SVOPL: variants seen among roughly 807,000 people sequenced by gnomAD.
SVOPL encodes SVOP like.
Under a neutral mutation model 61.0 loss-of-function variants are expected in SVOPL, and 60 were observed. The ratio of observed to expected loss-of-function variants is 0.98; its 90% CI spans 0.80 to 1.22. SVOPL has a LOEUF of 1.22. Among genes scored for constraint, SVOPL ranks in the 50% most tolerant of loss-of-function variants. SVOPL has a pLI of 0.00. For missense variants in SVOPL, 662 were observed against 643.9 expected (o/e 1.03, Z -0.30); for synonymous variants, 279 against 250.0 (o/e 1.12, Z -1.09).
chr7:138,631,981 C>CACACACACACACACACACACACACAT (rs1172950500), intron 9 of SVOPL, among the ~76,000 whole-genome samples: 3 of 151,832 alleles, frequency 2.0e-5, no homozygotes, highest in African/African-American at 7.3e-5. Context: ...CACACACACA[C>CACACACACACACACACACACACACAT]ACATACACAC....
At chr7:138,669,684 A>G (rs1470079327) in intron 4 of SVOPL, among the ~76,000 whole-genome samples, 1 of 152,154 alleles carries the variant, frequency 6.6e-6, no homozygotes, top group Admixed American at 6.5e-5. Flanking sequence ...CTTATGACTT[A>G]TTGCCCATCT....
At chr7:138,664,436 G>T (rs1336474151) in intron 4 of SVOPL, among the ~76,000 whole-genome samples, 1 of 130,674 alleles carries the variant, frequency 7.7e-6, no homozygotes, top group Non-Finnish European at 1.6e-5. Context: ...CTGGCACCCC[G>T]TATCCTCCAG....
At chr7:138,602,332 GCTAT>G (rs1423645958) in intron 14 of SVOPL, among the ~76,000 whole-genome samples, 2 of 151,994 alleles carry the variant, frequency 1.3e-5, no homozygotes, top group South Asian at 2.1e-4. Flanking sequence ...CAAGGTGATG[GCTAT>G]CTAATTATGG....
chr7:138,603,278 G>T (rs1475343675), intron 14 of SVOPL, among the ~76,000 whole-genome samples: 1 of 152,202 alleles, frequency 6.6e-6, no homozygotes, highest in East Asian at 1.9e-4. Context: ...GTGATTTGAT[G>T]GTGACATTCT....
intron 4 of SVOPL, among the ~76,000 whole-genome samples, chr7:138,665,345 T>C (rs547568378): frequency 6.6e-6 from 1 of 151,492 alleles, no homozygotes; most frequent in African/African-American, 2.4e-5. Flanking sequence ...CTCATTAGCC[T>C]GGCCCTTCCG....
In SVOPL at chr7:138,594,520, C is replaced by G; in HGVS notation, c.*90G>C. ...ACTTTACTAATTACCGAGTAGCATA[C>G]AGAAGTAAAACCAAGTTTTAAAAAA... On this transcript the variant is annotated 3_prime_UTR_variant, in exon 16 of 16. Coordinates refer to ENST00000674285, the MANE Select transcript of SVOPL (RefSeq NM_001139456.2). 1 of 1,269,826 alleles carries G rather than the reference C, an allele frequency of 7.9e-7. No individual in the cohort carries two copies. Among genetic ancestry groups the G allele is most frequent in the Non-Finnish European group, 1.1e-6 (1 of 903,774 alleles). The allele number at this position is 1,269,826 out of a possible 1,614,324, so 78.7% of individuals were successfully genotyped here.
At chr7:138,642,848 AAAG>A (rs1244456903) in intron 9 of SVOPL, among the ~76,000 whole-genome samples, 7,991 of 34,868 alleles carry the variant, frequency 0.23, 291 homozygotes, top group South Asian at 0.41. Flanking sequence ...AAAAAAAAAA[AAAG>A]AAGAAACAAA....
At position 138,680,723 on chromosome 7, in the gene SVOPL, C is replaced by T. The variant is rs927420934; in HGVS notation, c.-34-1644G>A. ...CCTCCTGAGTAGCTGGGACTACAGG[C>T]GCCCGCCACCACGCCCGGCTAATTT... On this transcript the variant is annotated intron_variant, in intron 1 of 15. Transcript: ENST00000674285. Among the ~76,000 whole-genome samples, 15 of 152,162 alleles carry T rather than the reference C, an allele frequency of 9.9e-5. No homozygotes were observed. The South Asian group carries it at 1.7e-3, about 17-fold the overall frequency.
chr7:138,672,187 C>T (rs1457531600), intron 3 of SVOPL, 70 bp from the exon 4 acceptor site: 3 of 1,402,608 alleles, frequency 2.1e-6, no homozygotes, highest in Non-Finnish European at 3.0e-6. Context: ...TATCTGCCTG[C>T]CCATCATCCT....
intron 15 of SVOPL, 144 bp from the exon 16 acceptor site, chr7:138,594,765 A>T: frequency 1.8e-6 from 1 of 545,594 alleles, no homozygotes; most frequent in Non-Finnish European, 3.1e-6. Flanking sequence ...ACCTTTGTGT[A>T]TCTGAAGATA....
At chr7:138,677,991 C>T (rs1802610641) in intron 3 of SVOPL, among the ~76,000 whole-genome samples, 1 of 152,068 alleles carries the variant, frequency 6.6e-6, no homozygotes, top group Non-Finnish European at 1.5e-5. Flanking sequence ...GTCTCAAACT[C>T]CTGACCTCAG....
chr7:138,663,636 A>G (rs1351645932), intron 4 of SVOPL: 1 of 977,300 alleles, frequency 1.0e-6, no homozygotes, highest in African/African-American at 1.8e-5. Context: ...TCTTTTCCTT[A>G]CTCGTTCTCA....
chr7:138,609,716 T>C (rs1798910284), intron 14 of SVOPL, among the ~76,000 whole-genome samples: 1 of 147,194 alleles, frequency 6.8e-6, no homozygotes, highest in African/African-American at 2.5e-5. Flanking sequence ...ACTGTTTTTT[T>C]TTTGGGGGGG....
At position 138,627,008 on chromosome 7, in the gene SVOPL, T is replaced by A. The variant is rs111355070; in HGVS notation, c.1181+342A>T. Among the ~76,000 whole-genome samples the A allele has an allele frequency of 4.4e-3, 665 of 152,282 alleles. 7 individuals carry two copies. The highest frequency in any genetic ancestry group is 0.015 in the African/African-American group (623 of 41,558). ...GGCACAAATAAGCACACTGTCTGTATTACTAAACTTTCTTGGCACTGGTTC... is the reference window on the plus strand; with the variant it reads ...GGCACAAATAAGCACACTGTCTGTAATACTAAACTTTCTTGGCACTGGTTC... On this transcript the variant is annotated intron_variant, in intron 12 of 15. Transcript: ENST00000674285.
intron 9 of SVOPL, among the ~76,000 whole-genome samples, chr7:138,634,291 G>T (rs1207861592): frequency 1.3e-5 from 2 of 152,120 alleles, no homozygotes; most frequent in Non-Finnish European, 2.9e-5. Context: ...AGGACTGCTT[G>T]AGGCCAGGAT....
intron 1 of SVOPL, among the ~76,000 whole-genome samples, chr7:138,683,952 T>C (rs2117129427): frequency 6.6e-6 from 1 of 151,542 alleles, no homozygotes; most frequent in South Asian, 2.1e-4. Context: ...CTCGGGAGGC[T>C]GAAGCAGGAG....
chr7:138,613,464 TG>T (rs1349835653), intron 14 of SVOPL, among the ~76,000 whole-genome samples: 1 of 152,190 alleles, frequency 6.6e-6, no homozygotes, highest in Non-Finnish European at 1.5e-5. Flanking sequence ...TCTCTCCATT[TG>T]GCTCACCATG....
In SVOPL at chr7:138,630,045, T is replaced by A. The variant is rs750260234; in HGVS notation, c.863+4A>T. On this transcript the variant is annotated splice_donor_region_variant and intron_variant, in intron 10 of 15. Coordinates refer to ENST00000674285, the MANE Select transcript of SVOPL (RefSeq NM_001139456.2). ...AACTAGCTTTGAAATCATTACACTC[T>A]TACCATATGACCCAGATCTGTAATG... The A allele has an allele frequency of 6.2e-7, 1 of 1,611,968 alleles. No homozygotes were observed. Among genetic ancestry groups the A allele is most frequent in the Non-Finnish European group, 8.5e-7 (1 of 1,178,136 alleles).
rs1764789493 is a variant in SVOPL, at chr7:138,655,907, GTT to G, written c.534+539_534+540del. On this transcript the variant is annotated intron_variant, in intron 7 of 15. Transcript: ENST00000674285. ...ACTTAGTTGATAAGGCAGTGGCACA[GTT>G]TGGGAGAATTGACTGCAATTTTGAA... 3.3e-5 allele frequency among the ~76,000 whole-genome samples: 5 copies of G among 152,330 alleles called. No individual in the cohort carries two copies. The East Asian group carries it at 9.6e-4, about 29-fold the overall frequency.
Sources: allele counts gnomAD v4.1 joint callset (sites outside exome capture counted in the v4.1 genomes callset), GRCh38; gene constraint gnomAD v4.1.1; transcripts MANE v1.5; gene names NCBI Gene and HGNC (gene_info 2026-07-23, HGNC 2026-07-21).